SLC25A12: variants seen among roughly 807,000 people sequenced by gnomAD.
SLC25A12 encodes electrogenic aspartate/glutamate antiporter SLC25A12, mitochondrial.
A neutral mutation model predicts 83.3 loss-of-function variants in SLC25A12; 32 were observed. That is an observed-to-expected ratio of 0.38 (90% confidence interval 0.29 to 0.52). The LOEUF is 0.52. Among genes scored for constraint, SLC25A12 ranks in the 20% least tolerant of loss-of-function variants. The pLI, the probability that SLC25A12 is intolerant of heterozygous loss-of-function variation, is 0.84. For synonymous variants in SLC25A12, 267 were observed against 291.1 expected (o/e 0.92, Z 0.84); for missense variants, 611 against 835.6 (o/e 0.73, Z 3.31).
intron 14 of SLC25A12, among the ~76,000 whole-genome samples, chr2:171,792,376 C>T (rs1683496396): frequency 6.6e-6 from 1 of 151,662 alleles, no homozygotes; most frequent in African/African-American, 2.4e-5. Context: ...TAGCCTTGAC[C>T]GTCTGAGCTC....
At chr2:171,890,521 T>G (rs1212745033) in intron 2 of SLC25A12, among the ~76,000 whole-genome samples, 1 of 151,760 alleles carries the variant, frequency 6.6e-6, no homozygotes, top group Admixed American at 6.6e-5. Flanking sequence ...CTTGCTCTGT[T>G]GCCAGGCTGG....
chr2:171,887,480 A>C (rs1346690861), intron 2 of SLC25A12, among the ~76,000 whole-genome samples: 2 of 152,198 alleles, frequency 1.3e-5, no homozygotes, highest in Admixed American at 6.5e-5. Flanking sequence ...AAAAAGAGAG[A>C]GAGATTAAAA....
chr2:171,866,757 T>TG (rs1476913591), intron 3 of SLC25A12, among the ~76,000 whole-genome samples: 2 of 88,802 alleles, frequency 2.3e-5, no homozygotes, highest in Non-Finnish European at 4.7e-5. Context: ...GCTGGCCGGG[T>TG]GGGGGGCTGA....
intron 9 of SLC25A12, among the ~76,000 whole-genome samples, chr2:171,820,424 G>C (rs1684161528): frequency 6.6e-6 from 1 of 152,092 alleles, no homozygotes; most frequent in African/African-American, 2.4e-5. Context: ...AAGTAATTAT[G>C]TAATATACAG....
chr2:171,793,813 G>A (rs752315237), intron 13 of SLC25A12, 46 bp from the exon 14 acceptor site: 11 of 1,611,746 alleles, frequency 6.8e-6, no homozygotes, highest in South Asian at 2.2e-5. Context: ...ATCAGAGCCC[G>A]ACTGGCAGCG....
intron 2 of SLC25A12, among the ~76,000 whole-genome samples, chr2:171,885,354 CTCTATATAG>C (rs1335825535): frequency 6.7e-6 from 1 of 150,100 alleles, no homozygotes; most frequent in Non-Finnish European, 1.5e-5. Context: ...TTAATGAGAA[CTCTATATAG>C]TTTATGTTAA....
chr2:171,804,304 C>G (rs1332229078), intron 13 of SLC25A12, among the ~76,000 whole-genome samples: 1 of 152,182 alleles, frequency 6.6e-6, no homozygotes, highest in African/African-American at 2.4e-5. Context: ...GTTGCCCAGG[C>G]TGGAGTGCAG....
In SLC25A12 at chr2:171,888,094, C is replaced by CTT. The variant is rs1194293544; in HGVS notation, c.66+5109_66+5110dup. On this transcript the variant is annotated intron_variant, in intron 2 of 17. Transcript: ENST00000422440. ...AGTTGCCACTTTCTTTTCTTTTTTC[C>CTT]TTTTTTTTTTTTTTTTTGGAGACAA... 5.1e-3 allele frequency among the ~76,000 whole-genome samples: 694 copies of CTT among 137,076 alleles called. 8 individuals carry two copies. The highest frequency in any genetic ancestry group is 0.017 in the African/African-American group (632 of 37,524). 89.9% of individuals were successfully genotyped at this position (137,076 alleles called of 152,430 possible).
intron 13 of SLC25A12, among the ~76,000 whole-genome samples, chr2:171,804,113 T>C (rs1324054076): frequency 6.6e-6 from 1 of 152,166 alleles, no homozygotes; most frequent in African/African-American, 2.4e-5. Context: ...ATGAACAAAC[T>C]GTAGTATATC....
chr2:171,826,185 A>T (rs1463333573), intron 9 of SLC25A12, among the ~76,000 whole-genome samples: 1 of 152,228 alleles, frequency 6.6e-6, no homozygotes, highest in African/African-American at 2.4e-5. Flanking sequence ...TTTAAATGTG[A>T]CGAGGCAAAT....
chr2:171,874,349 A>G (rs1028078278), intron 2 of SLC25A12, among the ~76,000 whole-genome samples: 14 of 152,200 alleles, frequency 9.2e-5, no homozygotes, highest in Non-Finnish European at 1.9e-4. Flanking sequence ...CCGAGATTGC[A>G]CCAATGCACT....
intron 8 of SLC25A12, among the ~76,000 whole-genome samples, chr2:171,827,445 G>A (rs1163741866): frequency 2.0e-5 from 3 of 152,090 alleles, no homozygotes; most frequent in Non-Finnish European, 4.4e-5. Context: ...TGCGTAGGAT[G>A]TAACTTCAGC....
intron 4 of SLC25A12, among the ~76,000 whole-genome samples, chr2:171,855,479 C>A (rs1464166926): frequency 2.0e-5 from 3 of 152,146 alleles, no homozygotes; most frequent in African/African-American, 4.8e-5. Flanking sequence ...AACTCCCTAT[C>A]TAAAAATCAC....
chr2:171,813,611 A>C, intron 10 of SLC25A12, 114 bp from the exon 11 acceptor site: 5 of 1,157,460 alleles, frequency 4.3e-6, no homozygotes, highest in Non-Finnish European at 3.9e-6. Flanking sequence ...ATGTATTCTC[A>C]CAAAAGAGAG....
chr2:171,837,325 T>A, intron 5 of SLC25A12, 58 bp from the exon 6 acceptor site: 5 of 1,576,426 alleles, frequency 3.2e-6, no homozygotes, highest in Non-Finnish European at 3.5e-6. Flanking sequence ...AAGTACATGG[T>A]TTGGAAAGGA....
At chr2:171,831,460 G>C (rs1684429704) in intron 8 of SLC25A12, among the ~76,000 whole-genome samples, 1 of 152,162 alleles carries the variant, frequency 6.6e-6, no homozygotes. Context: ...AGGTTATGAA[G>C]AAAAGAAATT....
intron 4 of SLC25A12, among the ~76,000 whole-genome samples, chr2:171,854,084 T>C (rs1273589699): frequency 6.6e-6 from 1 of 152,210 alleles, no homozygotes; most frequent in East Asian, 1.9e-4. Flanking sequence ...GTGTGATACC[T>C]ACTGAAAATA....
chr2:171,849,124 AG>A (rs1213156372), intron 4 of SLC25A12, among the ~76,000 whole-genome samples: 1 of 152,030 alleles, frequency 6.6e-6, no homozygotes, highest in Non-Finnish European at 1.5e-5. Flanking sequence ...CAGGAGGTGG[AG>A]GTTGCAGTGA....
intron 7 of SLC25A12, 61 bp from the exon 8 acceptor site, chr2:171,834,117 A>G (rs1684506403): frequency 3.3e-6 from 3 of 901,452 alleles, no homozygotes; most frequent in South Asian, 2.7e-5. Flanking sequence ...ACAAAGTTCT[A>G]CCTTCACCAA....
Sources: allele counts gnomAD v4.1 joint callset (sites outside exome capture counted in the v4.1 genomes callset), GRCh38; gene constraint gnomAD v4.1.1; transcripts MANE v1.5; gene names NCBI Gene and HGNC (gene_info 2026-07-23, HGNC 2026-07-21).